The following STARD13 variants were observed in gnomAD, a reference collection of about 807,000 sequenced individuals.
STARD13 encodes the protein stAR-related lipid transfer protein 13.
STARD13 carries 62 observed loss-of-function variants against 106.4 expected under a neutral mutation model. The ratio of observed to expected loss-of-function variants is 0.58; its 90% CI spans 0.48 to 0.72. The LOEUF (loss-of-function observed/expected upper bound fraction) is 0.72. Among genes scored for constraint, STARD13 ranks in the 30% least tolerant of loss-of-function variants. The pLI is 0.00. For missense variants in STARD13, 1,387 were observed against 1,424.0 expected (o/e 0.97, Z 0.42); for synonymous variants, 565 against 553.0 (o/e 1.02, Z -0.31).
At chr13:33,596,287 AT>A in the STARD13 span, among the ~76,000 whole-genome samples, 12 of 152,222 alleles carry the variant, frequency 7.9e-5, no homozygotes, top group Non-Finnish European at 1.6e-4. Context: ...ATCAAATTAT[AT>A]TTTTATCCTT....
At chr13:33,142,164 A>G (rs548998670) in intron 4 of STARD13, 146 bp downstream of exon 4, 1 of 648,016 alleles carries the variant, frequency 1.5e-6, no homozygotes, top group East Asian at 2.8e-5. Flanking sequence ...GATAGCTGGG[A>G]CTACAGGCAC....
the STARD13 span, among the ~76,000 whole-genome samples, chr13:33,443,510 C>G: frequency 0.3 from 45,344 of 151,370 alleles, 7,580 homozygotes; most frequent in Non-Finnish European, 0.39. Context: ...GTATATTGAA[C>G]CTCCTGCTGC....
chr13:33,474,606 G>A, the STARD13 span, among the ~76,000 whole-genome samples: 1 of 151,356 alleles, frequency 6.6e-6, no homozygotes, highest in Admixed American at 6.6e-5. Context: ...ATACCAGCTG[G>A]CTTTAAAATT....
At chr13:33,142,710 T>A (rs2138236054) in intron 3 of STARD13, among the ~76,000 whole-genome samples, 1 of 152,340 alleles carries the variant, frequency 6.6e-6, no homozygotes, top group East Asian at 1.9e-4. Flanking sequence ...TTTGCCACCT[T>A]GACCTTGCAT....
chr13:33,506,606 C>A, the STARD13 span, among the ~76,000 whole-genome samples: 1 of 151,954 alleles, frequency 6.6e-6, no homozygotes, highest in African/African-American at 2.4e-5. Flanking sequence ...CTCAGTGTAC[C>A]AATATTTTCC....
intron 1 of STARD13, among the ~76,000 whole-genome samples, chr13:33,314,737 A>G (rs2138510771): frequency 6.6e-6 from 1 of 152,342 alleles, no homozygotes; most frequent in South Asian, 2.1e-4. Flanking sequence ...CAGTAGAGCC[A>G]GAATTCAAAC....
rs777412329 is a variant in STARD13, at chr13:33,129,420, A to G, written c.1257T>C (p.Asp419=). The change falls in exon 5 of 14, where the codon GAT becomes GAC. Residue 419 remains aspartate (D), a synonymous_variant. Coordinates refer to ENST00000336934, the MANE Select transcript of STARD13 (RefSeq NM_178006.4). The part of the protein sequence containing the change: ...ALSIESLSPT[D]SSNGVNWRTG... ...TCCTCCAATTAACCCCATTGCTACTATCTGTGGGAGAGAGGCTTTCAATAG... is the reference window on the plus strand; with the variant it reads ...TCCTCCAATTAACCCCATTGCTACTGTCTGTGGGAGAGAGGCTTTCAATAG... The G allele has an allele frequency of 3.1e-6, 5 of 1,614,088 alleles. No homozygotes were observed. The highest frequency in any genetic ancestry group is 4.2e-6 in the Non-Finnish European group (5 of 1,180,020).
chr13:33,152,761 C>A (rs996849249), intron 3 of STARD13, among the ~76,000 whole-genome samples: 2 of 152,208 alleles, frequency 1.3e-5, no homozygotes, highest in Non-Finnish European at 2.9e-5. Flanking sequence ...ATCCTTGGGC[C>A]TCTGCTGTCT....
At chr13:33,553,867 C>T in the STARD13 span, among the ~76,000 whole-genome samples, 5 of 151,962 alleles carry the variant, frequency 3.3e-5, no homozygotes, top group South Asian at 2.1e-4. Flanking sequence ...TGTGAGCCAC[C>T]GTGCCTGGCT....
At chr13:33,144,787 A>T (rs1268656367) in intron 3 of STARD13, among the ~76,000 whole-genome samples, 1 of 152,106 alleles carries the variant, frequency 6.6e-6, no homozygotes, top group African/African-American at 2.4e-5. Context: ...TTAGGGGAGG[A>T]TTGCCTGTTA....
intron 1 of STARD13, among the ~76,000 whole-genome samples, chr13:33,332,587 C>T (rs530887932): frequency 3.3e-5 from 5 of 152,270 alleles, no homozygotes; most frequent in African/African-American, 9.6e-5. Flanking sequence ...ACCCTGATCT[C>T]GGACTTCCAG....
intron 1 of STARD13, among the ~76,000 whole-genome samples, chr13:33,318,428 A>T (rs1162147872): frequency 6.6e-6 from 1 of 152,200 alleles, no homozygotes; most frequent in African/African-American, 2.4e-5. Context: ...ATACACAAAT[A>T]AACTCAAAAT....
chr13:33,615,404 A>G, the STARD13 span, among the ~76,000 whole-genome samples: 1 of 152,192 alleles, frequency 6.6e-6, no homozygotes, highest in South Asian at 2.1e-4. Context: ...ATGGATTTTT[A>G]AACTTAAAGA....
chr13:33,163,861 A>G (rs1401897789), intron 3 of STARD13, among the ~76,000 whole-genome samples: 2 of 151,436 alleles, frequency 1.3e-5, no homozygotes, highest in African/African-American at 2.4e-5. Context: ...CCAACTAGCA[A>G]AAAAATATGT....
the STARD13 span, among the ~76,000 whole-genome samples, chr13:33,655,716 AG>A: frequency 6.6e-6 from 1 of 152,218 alleles, no homozygotes. Context: ...ACTGGAACAT[AG>A]TAGATATTTA....
At chr13:33,499,519 T>TTC in the STARD13 span, among the ~76,000 whole-genome samples, 3 of 91,974 alleles carry the variant, frequency 3.3e-5, no homozygotes, top group Non-Finnish European at 4.7e-5. Flanking sequence ...TTCTTCTTTC[T>TTC]TTCTTCTTCT....
intron 6 of STARD13, 107 bp downstream of exon 6, chr13:33,127,266 G>A: frequency 8.1e-7 from 1 of 1,237,026 alleles, no homozygotes. Flanking sequence ...ATCAGTGAAG[G>A]CAATGAATGG....
the STARD13 span, among the ~76,000 whole-genome samples, chr13:33,359,144 CGT>C: frequency 0.033 from 1,235 of 37,858 alleles, 15 homozygotes; most frequent in East Asian, 0.43. Flanking sequence ...ACTGTGGAAG[CGT>C]TGTTTTTCGC....
intron 1 of STARD13, among the ~76,000 whole-genome samples, chr13:33,238,881 C>G (rs1889327581): frequency 6.6e-6 from 1 of 152,036 alleles, no homozygotes; most frequent in African/African-American, 2.4e-5. Flanking sequence ...CCATCTTAAC[C>G]ATTTTTAAGT....
Sources: gnomAD v4.1 joint callset for allele counts (sites outside exome capture counted in the v4.1 genomes callset) on GRCh38, gnomAD v4.1.1 for gene constraint, MANE v1.5 for transcripts, NCBI Gene and HGNC (gene_info 2026-07-23, HGNC 2026-07-21) for gene names.